The following COG6 variants were observed in gnomAD, a reference collection of about 807,000 sequenced individuals.
The protein encoded by COG6 is conserved oligomeric Golgi complex subunit 6.
Under a neutral mutation model 88.8 loss-of-function variants are expected in COG6, and 74 were observed. That is an observed-to-expected ratio of 0.83 (90% CI 0.69 to 1.01). The LOEUF is 1.01. COG6 is among the 50% of genes least tolerant of loss of function. The probability of loss-of-function intolerance (pLI) is 0.00; values close to 1 mark genes in which losing one functional copy is unlikely to be tolerated. For synonymous variants in COG6, 286 were observed against 278.7 expected (o/e 1.03, Z -0.26); for missense variants, 800 against 797.9 (o/e 1.00, Z -0.03).
At chr13:39,674,893 G>A (rs887562415) in intron 4 of COG6, among the ~76,000 whole-genome samples, 2 of 152,056 alleles carry the variant, frequency 1.3e-5, no homozygotes, top group African/African-American at 4.8e-5. Context: ...GCATCCACTG[G>A]AGGGTCTTGG....
chr13:39,756,973 T>G (rs977324756), downstream of COG6, among the ~76,000 whole-genome samples: 3 of 152,020 alleles, frequency 2.0e-5, no homozygotes, highest in African/African-American at 4.8e-5. Context: ...CAGTAGCTAT[T>G]CTAAATCACC....
Position 39,766,468 on chromosome 13 carries a change from G to A in COG6, c.1827-21867G>A, listed in dbSNP as rs567860513. 7.2e-5 allele frequency among the ~76,000 whole-genome samples: 11 copies of A among 152,160 alleles called. No individual in the cohort carries two copies. The East Asian group carries it at 1.6e-3, about 21-fold the overall frequency. ...ACCTGGGGGAACAAGAGTAGCCTTT[G>A]TAACTCCAAATTTCATCAAGATGAG... On this transcript the variant is annotated intron_variant, in intron 18 of 18. Coordinates refer to the COG6 transcript ENST00000416691.
At chr13:39,729,929 T>C (rs1268944811) in intron 18 of COG6, among the ~76,000 whole-genome samples, 1 of 152,252 alleles carries the variant, frequency 6.6e-6, no homozygotes, top group African/African-American at 2.4e-5. Flanking sequence ...GTATTGTGTA[T>C]GGATCTATTC....
In COG6 at chr13:39,715,844, T is replaced by C. The variant is rs377373123; in HGVS notation, c.1285-3392T>C. 9.2e-5 allele frequency among the ~76,000 whole-genome samples: 14 copies of C among 152,152 alleles called. No individual in the cohort carries two copies. In the East Asian group the frequency reaches 2.3e-3, roughly 25 times the overall value. On this transcript the variant is annotated intron_variant, in intron 13 of 18. Transcript: ENST00000455146. ...ATTTTGTAAAACTGATATGCATATATTTATACATAATTTAAACCATGGAGA... is the reference window on the plus strand; with the variant it reads ...ATTTTGTAAAACTGATATGCATATACTTATACATAATTTAAACCATGGAGA...
chr13:39,777,244 A>G (rs530149764), intron 18 of COG6, among the ~76,000 whole-genome samples: 2 of 152,192 alleles, frequency 1.3e-5, no homozygotes, highest in East Asian at 1.9e-4. Flanking sequence ...GTGTGGGGCT[A>G]TTTTCAGAGT....
chr13:39,767,544 G>A (rs1018126648), intron 18 of COG6, among the ~76,000 whole-genome samples: 3 of 152,168 alleles, frequency 2.0e-5, no homozygotes, highest in South Asian at 2.1e-4. Context: ...TGTAGTTTAT[G>A]TACCACATGT....
intron 13 of COG6, among the ~76,000 whole-genome samples, chr13:39,702,389 A>C (rs4384490): frequency 0.41 from 62,186 of 151,732 alleles, 13,088 homozygotes; most frequent in Admixed American, 0.56. Context: ...TAAGTTTTAA[A>C]ACTTCAAAAT....
intron 8 of COG6, among the ~76,000 whole-genome samples, chr13:39,685,513 A>G (rs1223370868): frequency 6.6e-6 from 1 of 152,176 alleles, no homozygotes. Flanking sequence ...CTGGATTTTA[A>G]GATTCACTGG....
chr13:39,748,173 A>G (rs1880439405), intron 18 of COG6, among the ~76,000 whole-genome samples: 1 of 152,238 alleles, frequency 6.6e-6, no homozygotes, highest in Non-Finnish European at 1.5e-5. Context: ...TTGTTGCAAA[A>G]GTGGATATCA....
intron 12 of COG6, among the ~76,000 whole-genome samples, chr13:39,699,286 ATAG>A (rs1423658147): frequency 1.3e-5 from 2 of 151,884 alleles, no homozygotes; most frequent in African/African-American, 4.8e-5. Flanking sequence ...TATTGAAAAC[ATAG>A]TAGTTTGTTT....
chr13:39,724,502 AAATAGGGC>A lies in COG6; in HGVS notation c.1693-5_1695del, dbSNP rs1879025917. On this transcript the variant is annotated splice_acceptor_variant and splice_polypyrimidine_tract_variant and coding_sequence_variant and intron_variant, in exon 17 of 19. Transcript: ENST00000455146. LOFTEE classifies it high-confidence loss of function. ...GATCTGCTTTTTTTTTTTTTTTTTT[AAATAGGGC>A]TCTTTAGCTAATATGCCCAACCTAG... 1.2e-6 allele frequency: 1 copy of A among 841,894 alleles called. No homozygotes were observed. The allele number at this position is 841,894 out of a possible 1,614,324, so 52.2% of individuals were successfully genotyped here. A position where few individuals can be genotyped will look rare whatever the true frequency, so the allele number is the denominator to read the frequency against.
Position 39,715,280 on chromosome 13 carries a change from C to CAT in COG6, c.1285-3955_1285-3954insTA, listed in dbSNP as rs1199134649. ...TCCTCTCTCTCTCTCTCTATACACA[C>CAT]ACACACACACACAAACACACACATA... On this transcript the variant is annotated intron_variant, in intron 13 of 18. Transcript: ENST00000455146. Among the ~76,000 whole-genome samples the CAT allele has an allele frequency of 4.0e-5, 6 of 151,836 alleles. No homozygotes were observed. In the East Asian group the frequency reaches 1.2e-3, roughly 29 times the overall value.
chr13:39,678,075 C>CT (rs751342133), intron 5 of COG6: 206 of 429,044 alleles, frequency 4.8e-4, no homozygotes, highest in Admixed American at 9.7e-4. Flanking sequence ...TTTTCTTTTC[C>CT]TTTTTTTTTG....
chr13:39,692,321 T>G (rs905765928), intron 11 of COG6, among the ~76,000 whole-genome samples: 1 of 151,976 alleles, frequency 6.6e-6, no homozygotes. Flanking sequence ...CCTTCTTTTA[T>G]GTGAATGTTT....
downstream of COG6, among the ~76,000 whole-genome samples, chr13:39,756,732 A>G (rs1283713038): frequency 6.7e-6 from 1 of 149,808 alleles, no homozygotes; most frequent in African/African-American, 2.5e-5. Context: ...ATATTCAAAG[A>G]GCTCTGGGCG....
chr13:39,686,667 A>G (rs979905805), intron 8 of COG6, among the ~76,000 whole-genome samples: 1 of 152,202 alleles, frequency 6.6e-6, no homozygotes, highest in African/African-American at 2.4e-5. Flanking sequence ...ATAGATTGTG[A>G]TAGTATGTGT....
At chr13:39,712,979 CT>C (rs992404219) in intron 13 of COG6, among the ~76,000 whole-genome samples, 1 of 152,184 alleles carries the variant, frequency 6.6e-6, no homozygotes, top group African/African-American at 2.4e-5. Flanking sequence ...AGAGGGAAAT[CT>C]TTATTTGTAA....
chr13:39,783,127 G>T (rs1039553364), intron 18 of COG6, among the ~76,000 whole-genome samples: 3 of 152,112 alleles, frequency 2.0e-5, no homozygotes, highest in Non-Finnish European at 4.4e-5. Flanking sequence ...TATTAGTAAA[G>T]CTCGAGTATT....
chr13:39,707,092 T>A (rs1014723789), intron 13 of COG6, among the ~76,000 whole-genome samples: 1 of 152,164 alleles, frequency 6.6e-6, no homozygotes, highest in Middle Eastern at 3.4e-3. Context: ...ATGTTTAGTA[T>A]GTACAATAAT....
Sources: gnomAD v4.1 joint callset for allele counts (sites outside exome capture counted in the v4.1 genomes callset) on GRCh38, gnomAD v4.1.1 for gene constraint, MANE v1.5 for transcripts, NCBI Gene and HGNC (gene_info 2026-07-23, HGNC 2026-07-21) for gene names.